Variants in EML5 observed in about 807,000 individuals in gnomAD.
EML5 encodes the protein echinoderm microtubule-associated protein-like 5.
Under a neutral mutation model 250.0 loss-of-function variants are expected in EML5, and 120 were observed. That is an observed-to-expected ratio of 0.48 (90% CI 0.41 to 0.56). The LOEUF (loss-of-function observed/expected upper bound fraction) is 0.56. Among genes scored for constraint, EML5 ranks in the 20% least tolerant of loss-of-function variants. The pLI, the probability that EML5 is intolerant of heterozygous loss-of-function variation, is 0.00. For synonymous variants in EML5, 771 were observed against 806.5 expected, an observed-to-expected ratio of 0.96 and a Z score of 0.75; for missense variants, 2,006 against 2,437.6, an observed-to-expected ratio of 0.82 and a Z score of 3.73.
At chr14:88,660,720 C>A (rs191970461) in intron 25 of EML5, among the ~76,000 whole-genome samples, 2 of 146,382 alleles carry the variant, frequency 1.4e-5, no homozygotes, top group Admixed American at 1.4e-4. Context: ...TCCAGCCTGG[C>A]GACAGAGTGA....
At chr14:88,657,623 G>C in intron 26 of EML5, 121 bp from the exon 27 acceptor site, 1 of 914,852 alleles carries the variant, frequency 1.1e-6, no homozygotes, top group Non-Finnish European at 1.5e-6. Context: ...AGCAAATTAT[G>C]AAGTAATATA....
intron 42 of EML5, 125 bp downstream of exon 42, chr14:88,616,601 T>C: frequency 1.0e-6 from 1 of 970,252 alleles, no homozygotes; most frequent in South Asian, 2.0e-5. Context: ...GTAAATAGAT[T>C]TAGAAAGTTT....
intron 21 of EML5, among the ~76,000 whole-genome samples, chr14:88,670,302 A>G: frequency 6.9e-6 from 1 of 144,638 alleles, no homozygotes; most frequent in Admixed American, 7.0e-5. Context: ...CCTGGGTGAT[A>G]GAGCAGGACT....
chr14:88,686,455 C>G (rs924405021), intron 19 of EML5, among the ~76,000 whole-genome samples: 3 of 151,918 alleles, frequency 2.0e-5, no homozygotes, highest in African/African-American at 7.3e-5. Flanking sequence ...TCTGGGCCCA[C>G]AGCCCGGAGG....
chr14:88,643,747 A>T (rs894093819), intron 30 of EML5, among the ~76,000 whole-genome samples: 1 of 152,248 alleles, frequency 6.6e-6, no homozygotes, highest in Non-Finnish European at 1.5e-5. Context: ...TCGGTGGATA[A>T]AAACTAAGTA....
At chr14:88,766,277 A>G (rs1229028281) in intron 1 of EML5, among the ~76,000 whole-genome samples, 1 of 152,208 alleles carries the variant, frequency 6.6e-6, no homozygotes, top group Non-Finnish European at 1.5e-5. Context: ...TGGCTGCCTG[A>G]GAGCTGGGCG....
At chr14:88,644,962 TG>T (rs2091272094) in intron 29 of EML5, among the ~76,000 whole-genome samples, 1 of 151,990 alleles carries the variant, frequency 6.6e-6, no homozygotes, top group African/African-American at 2.4e-5. Flanking sequence ...TCGGCCCGCC[TG>T]GGCCTCCCAG....
intron 8 of EML5, among the ~76,000 whole-genome samples, chr14:88,719,430 T>C (rs1246915628): frequency 1.3e-5 from 2 of 152,258 alleles, no homozygotes; most frequent in East Asian, 1.9e-4. Context: ...CAACTATTAA[T>C]AGTCTATCCC....
chr14:88,726,816 T>C (rs769882302), intron 7 of EML5, 138 bp from the exon 8 acceptor site: 9 of 668,564 alleles, frequency 1.3e-5, no homozygotes, highest in Non-Finnish European at 2.1e-5. Flanking sequence ...GAAATTCTTA[T>C]CTATGAAAAT....
At chr14:88,746,612 G>A (rs965052445) in intron 2 of EML5, among the ~76,000 whole-genome samples, 2 of 151,874 alleles carry the variant, frequency 1.3e-5, no homozygotes, top group South Asian at 2.1e-4. Context: ...ATGAGCTGTC[G>A]AAAAATTAAG....
At chr14:88,662,889 GACTCAATAA>G in intron 24 of EML5, 133 bp downstream of exon 24, 1 of 618,442 alleles carries the variant, frequency 1.6e-6, no homozygotes, top group Non-Finnish European at 2.7e-6. Context: ...CATGTATTCT[GACTCAATAA>G]ACTCAATAAT....
At position 88,646,947 on chromosome 14, in the gene EML5, C is replaced by T; in HGVS notation, c.4028G>A (p.Arg1343Lys). The change falls in exon 29 of 44, where the codon AGG (arginine) becomes AAG (lysine). Residue 1343 changes from arginine (R) to lysine (K), a missense_variant and splice_region_variant. Physicochemically the swap from Arg to Lys is conservative, Grantham distance 26. Transcript: ENST00000554922. ...GTAAACACAGCAAAGAGAGGATTAC[C>T]TGGAACCTCTTTTCAGCAGCAGATA... ...DERQGVVRGSRPPVSRAPPQP... is the reference protein window; with the variant it reads ...DERQGVVRGSKPPVSRAPPQP... The T allele has an allele frequency of 6.3e-7, 1 of 1,592,426 alleles. No individual in the cohort carries two copies. The highest frequency in any genetic ancestry group is 8.5e-7 in the Non-Finnish European group (1 of 1,177,738).
rs774627271 is a variant in EML5 at position 88,738,876 on chromosome 14, T to C, written c.847+3A>G. On this transcript the variant is annotated splice_donor_region_variant and intron_variant, in intron 6 of 43. Coordinates refer to ENST00000554922, the MANE Select transcript of EML5 (RefSeq NM_183387.3). ...AGTAATAAGACATTTGTTTTGTTATTACCTTTGTATCCCTGGTCTGTTTCC... is the reference window on the plus strand; with the variant it reads ...AGTAATAAGACATTTGTTTTGTTATCACCTTTGTATCCCTGGTCTGTTTCC... 3 of 1,559,304 alleles carry C rather than the reference T, an allele frequency of 1.9e-6. No homozygotes were observed. The highest frequency in any genetic ancestry group is 2.6e-6 in the Non-Finnish European group (3 of 1,151,416).
intron 36 of EML5, 24 bp downstream of exon 36, chr14:88,624,946 T>C: frequency 6.2e-7 from 1 of 1,611,476 alleles, no homozygotes. Flanking sequence ...GCATAAATAT[T>C]CTGTGAAAAG....
chr14:88,653,412 G>A (rs1481147967), intron 27 of EML5, among the ~76,000 whole-genome samples: 1 of 152,136 alleles, frequency 6.6e-6, no homozygotes, highest in African/African-American at 2.4e-5. Context: ...TGCCCATTGA[G>A]TATGATATTG....
intron 1 of EML5, among the ~76,000 whole-genome samples, chr14:88,767,381 C>G (rs2094334308): frequency 2.0e-5 from 3 of 152,170 alleles, no homozygotes; most frequent in Admixed American, 2.0e-4. Flanking sequence ...CCTTCTTGAG[C>G]TCCGTACCCC....
At chr14:88,645,170 C>T (rs1185511887) in intron 29 of EML5, among the ~76,000 whole-genome samples, 6 of 151,836 alleles carry the variant, frequency 4.0e-5, no homozygotes, top group Non-Finnish European at 8.8e-5. Context: ...GAACAACAAG[C>T]GTGCACCACC....
rs1374673957 is a variant in EML5 at position 88,744,132 on chromosome 14, A to G, written c.457-41T>C. The G allele has an allele frequency of 2.1e-6, 3 of 1,415,598 alleles. No homozygotes were observed. In the East Asian group the frequency reaches 7.6e-5, roughly 36 times the overall value. 87.7% of individuals were successfully genotyped at this position (1,415,598 alleles called of 1,614,324 possible). On this transcript the variant is annotated intron_variant, in intron 3 of 43. Transcript: ENST00000554922. ...ATTCATGATTAAAATACTTATTTCC[A>G]GAATCATTTAAAAATCCTGTCCAAA...
chr14:88,727,916 T>C (rs912869127), intron 7 of EML5, among the ~76,000 whole-genome samples: 3 of 152,198 alleles, frequency 2.0e-5, no homozygotes, highest in African/African-American at 7.2e-5. Flanking sequence ...AAGATACCCA[T>C]TGTTTGAAAA....
Sources: gnomAD v4.1 joint callset for allele counts (sites outside exome capture counted in the v4.1 genomes callset) on GRCh38, gnomAD v4.1.1 for gene constraint, MANE v1.5 for transcripts, NCBI Gene and HGNC (gene_info 2026-07-23, HGNC 2026-07-21) for gene names.